SLC30A6: variants seen among roughly 807,000 people sequenced by gnomAD.
SLC30A6 encodes solute carrier family 30 member 6, also known as zinc transporter 6.
SLC30A6 carries 55 observed loss-of-function variants against 63.0 expected under a neutral mutation model. The observed-to-expected ratio is 0.87, with a 90% CI of 0.70 to 1.09. SLC30A6 has a LOEUF of 1.09. Among genes scored for constraint, SLC30A6 ranks in the 50% least tolerant of loss-of-function variants. The pLI is 0.00. For missense variants in SLC30A6, 587 were observed against 549.2 expected, an observed-to-expected ratio of 1.07 and a Z score of -0.69; for synonymous variants, 224 against 186.1, an observed-to-expected ratio of 1.20 and a Z score of -1.66.
At chr2:32,173,359 A>G (rs1040209024) in intron 2 of SLC30A6, among the ~76,000 whole-genome samples, 5 of 151,834 alleles carry the variant, frequency 3.3e-5, no homozygotes, top group Admixed American at 3.3e-4. Flanking sequence ...TTGATGTTGA[A>G]CAGCCAAAGT....
chr2:32,200,986 G>A (rs1423790027), intron 10 of SLC30A6, among the ~76,000 whole-genome samples: 1 of 151,998 alleles, frequency 6.6e-6, no homozygotes, highest in East Asian at 1.9e-4. Flanking sequence ...TTATTGCTGG[G>A]TCAGGGTTTT....
chr2:32,220,572 T>A lies in SLC30A6; in HGVS notation c.1245T>A (p.His415Gln). 2.5e-6 allele frequency: 4 copies of A among 1,614,220 alleles called. No homozygotes were observed. The South Asian group carries it at 4.4e-5, about 18-fold the overall frequency. The change falls in exon 14 of 14, where the codon CAT (histidine) becomes CAA (glutamine). Residue 415 changes from histidine to glutamine, a missense_variant. Physicochemically the swap from His to Gln is conservative, Grantham distance 24. Transcript: ENST00000282587. ...GGCCTTATGGTTTTGGTCTCAATCATGGACACACACCTTACAGCAGCATGC... is the reference window on the plus strand; with the variant it reads ...GGCCTTATGGTTTTGGTCTCAATCAAGGACACACACCTTACAGCAGCATGC... ...QTRPYGFGLN[H>Q]GHTPYSSMLN...
chr2:32,181,508 A>G (rs564517280), intron 4 of SLC30A6, among the ~76,000 whole-genome samples: 113 of 152,248 alleles, frequency 7.4e-4, no homozygotes, highest in African/African-American at 2.7e-3. Context: ...AATTTTTCAG[A>G]TTTCTTATTA....
intron 9 of SLC30A6, 32 bp from the exon 10 acceptor site, chr2:32,197,675 A>C: frequency 1.9e-6 from 3 of 1,613,524 alleles, no homozygotes; most frequent in Non-Finnish European, 2.5e-6. Context: ...GAGTTCTGCT[A>C]ATGGATACTC....
At chr2:32,167,354 C>T (rs1461761406) in intron 1 of SLC30A6, among the ~76,000 whole-genome samples, 1 of 148,292 alleles carries the variant, frequency 6.7e-6, no homozygotes, top group Non-Finnish European at 1.5e-5. Flanking sequence ...GGATTACAGG[C>T]GTGAGCCACC....
Position 32,220,211 on chromosome 2 carries a change from A to T in SLC30A6, c.886-2A>T. ...TCTTTGTTATGATTTTGCCCCTTTT[A>T]GGCTGGATCAGTGCATGTAAGAATT... On this transcript the variant is annotated splice_acceptor_variant, in intron 13 of 13. Coordinates refer to ENST00000282587, the MANE Select transcript of SLC30A6 (RefSeq NM_017964.5). LOFTEE classifies it high-confidence loss of function. 1 of 1,607,988 alleles carries T rather than the reference A, an allele frequency of 6.2e-7. No homozygotes were observed. Among genetic ancestry groups the T allele is most frequent in the Non-Finnish European group, 8.5e-7 (1 of 1,175,274 alleles).
At chr2:32,191,339 A>G (rs183404246) in intron 5 of SLC30A6, among the ~76,000 whole-genome samples, 20 of 152,292 alleles carry the variant, frequency 1.3e-4, no homozygotes, top group Non-Finnish European at 2.5e-4. Context: ...TTAACAATAT[A>G]TAATGTTCTA....
rs568862786 is a variant in SLC30A6, at chr2:32,224,315, A to T, written c.*3602A>T. The T allele has an allele frequency of 2.7e-4, 156 of 569,590 alleles. 3 individuals carry two copies. In the South Asian group the frequency reaches 3.9e-3, roughly 14 times the overall value. 35.3% of individuals were successfully genotyped at this position (569,590 alleles called of 1,614,324 possible). On this transcript the variant is annotated 3_prime_UTR_variant, in exon 14 of 14. Transcript: ENST00000282587. ...TCAAGGCGCCGATAATCCTAGTAGG[A>T]GAGCTAAGACACAAAACTGTTGCAT...
At chr2:32,168,780 C>T (rs1680913315) in intron 1 of SLC30A6, among the ~76,000 whole-genome samples, 1 of 152,096 alleles carries the variant, frequency 6.6e-6, no homozygotes. Context: ...TTGAGGGTTT[C>T]TATCTGGAGT....
intron 13 of SLC30A6, among the ~76,000 whole-genome samples, chr2:32,211,232 A>T (rs901686707): frequency 1.3e-5 from 2 of 152,176 alleles, no homozygotes; most frequent in African/African-American, 4.8e-5. Context: ...ATCATCGAAT[A>T]ACCTAGTGGG....
intron 13 of SLC30A6, among the ~76,000 whole-genome samples, chr2:32,219,765 T>C (rs1359203934): frequency 6.6e-6 from 1 of 152,190 alleles, no homozygotes; most frequent in Non-Finnish European, 1.5e-5. Flanking sequence ...GTATTATTGC[T>C]TATTCTTACC....
Position 32,165,957 on chromosome 2 carries a change from A to G in SLC30A6, c.3+54A>G. On this transcript the variant is annotated intron_variant, in intron 1 of 13. Coordinates refer to ENST00000282587, the MANE Select transcript of SLC30A6 (RefSeq NM_017964.5). ...GGCTGTAGCTGATTCGGTTTATCTTATTTGGTCCCGAAGCGACCTTGAAAT... is the reference window on the plus strand; with the variant it reads ...GGCTGTAGCTGATTCGGTTTATCTTGTTTGGTCCCGAAGCGACCTTGAAAT... 2.5e-6 allele frequency: 4 copies of G among 1,613,716 alleles called. No homozygotes were observed. The East Asian group carries it at 6.7e-5, about 27-fold the overall frequency.
rs3040842 is a variant in SLC30A6 at position 32,189,596 on chromosome 2, C to CTTT, written c.285-2712_285-2710dup. Among the ~76,000 whole-genome samples, 67 of 51,928 alleles carry CTTT rather than the reference C, an allele frequency of 1.3e-3. 8 individuals carry two copies. Among genetic ancestry groups the CTTT allele is most frequent in the African/African-American group, 5.0e-3 (52 of 10,394 alleles). The allele number at this position is 51,928 out of a possible 152,430, so 34.1% of individuals were successfully genotyped here. A position where few individuals can be genotyped will look rare whatever the true frequency, so the allele number is the denominator to read the frequency against. On this transcript the variant is annotated intron_variant, in intron 5 of 13. Transcript: ENST00000282587. ...ATAAGCATGAGCCACCGCACCCGGCCTTTTTTTTTTTTTTTTTTTTTTTTT... is the reference window on the plus strand; with the variant it reads ...ATAAGCATGAGCCACCGCACCCGGCCTTTTTTTTTTTTTTTTTTTTTTTTTTTT...
intron 4 of SLC30A6, among the ~76,000 whole-genome samples, chr2:32,180,413 A>G (rs570872429): frequency 6.7e-6 from 1 of 150,042 alleles, no homozygotes; most frequent in Non-Finnish European, 1.5e-5. Flanking sequence ...CCTGTCTCAA[A>G]AAAAAAAAAA....
chr2:32,202,086 AGAG>A (rs1684340433), intron 10 of SLC30A6: 1 of 788,246 alleles, frequency 1.3e-6, no homozygotes. Flanking sequence ...ATAAGAAGCT[AGAG>A]GAGACCTTAA....
intron 10 of SLC30A6, among the ~76,000 whole-genome samples, chr2:32,201,440 T>C (rs1684284784): frequency 6.6e-6 from 1 of 152,218 alleles, no homozygotes; most frequent in Non-Finnish European, 1.5e-5. Flanking sequence ...CTTGATATAA[T>C]TACTGATAGA....
At chr2:32,187,012 AAAAG>A (rs1437053259) in intron 5 of SLC30A6, 139 of 354,802 alleles carry the variant, frequency 3.9e-4, no homozygotes, top group South Asian at 2.7e-3. Flanking sequence ...AAAAAAAAAA[AAAAG>A]AAAGAAAAAG....
At chr2:32,191,279 A>T (rs562703877) in intron 5 of SLC30A6, among the ~76,000 whole-genome samples, 1 of 152,182 alleles carries the variant, frequency 6.6e-6, no homozygotes, top group South Asian at 2.1e-4. Flanking sequence ...TTCTATCATA[A>T]CCTACTTTTT....
In SLC30A6 at chr2:32,198,668, C is replaced by T. The variant is rs191879308; in HGVS notation, c.665+842C>T. 6.6e-5 allele frequency among the ~76,000 whole-genome samples: 10 copies of T among 152,310 alleles called. No individual in the cohort carries two copies. In the East Asian group the frequency reaches 1.9e-3, roughly 29 times the overall value. On this transcript the variant is annotated intron_variant, in intron 10 of 13. Transcript: ENST00000282587. ...GCATGATCTCAGCTCACTGCAACCTCCACCTCCCGAGTTCAAGCAATTCTC... is the reference window on the plus strand; with the variant it reads ...GCATGATCTCAGCTCACTGCAACCTTCACCTCCCGAGTTCAAGCAATTCTC...
Sources: gnomAD v4.1 joint callset for allele counts (sites outside exome capture counted in the v4.1 genomes callset) on GRCh38, gnomAD v4.1.1 for gene constraint, MANE v1.5 for transcripts, NCBI Gene and HGNC (gene_info 2026-07-23, HGNC 2026-07-21) for gene names.